The following PLCL1 variants were observed in gnomAD, a reference collection of about 807,000 sequenced individuals.
PLCL1 encodes inactive phospholipase C-like protein 1.
Under a neutral mutation model 84.4 loss-of-function variants are expected in PLCL1, and 41 were observed. That is an observed-to-expected ratio of 0.49 (90% CI 0.38 to 0.63). The LOEUF (loss-of-function observed/expected upper bound fraction) is 0.63. Among genes scored for constraint, PLCL1 ranks in the 30% least tolerant of loss-of-function variants. The probability of loss-of-function intolerance (pLI) is 0.00; values close to 1 mark genes in which losing one functional copy is unlikely to be tolerated. For missense variants in PLCL1, 1,206 were observed against 1,367.8 expected, an observed-to-expected ratio of 0.88 and a Z score of 1.87; for synonymous variants, 490 against 488.3, an observed-to-expected ratio of 1.00 and a Z score of -0.05.
chr2:198,098,245 G>T (rs1464315475), intron 3 of PLCL1, among the ~76,000 whole-genome samples: 1 of 152,134 alleles, frequency 6.6e-6, no homozygotes, highest in East Asian at 1.9e-4. Flanking sequence ...TCAAGCAATA[G>T]CTTCTCCAAA....
At chr2:198,021,235 A>T (rs1277917643) in intron 1 of PLCL1, among the ~76,000 whole-genome samples, 1 of 152,212 alleles carries the variant, frequency 6.6e-6, no homozygotes, top group Non-Finnish European at 1.5e-5. Context: ...AGTCTCTGGG[A>T]CACAGCTAAA....
chr2:197,816,244 T>C (rs752485282), intron 1 of PLCL1, among the ~76,000 whole-genome samples: 1 of 152,104 alleles, frequency 6.6e-6, no homozygotes, highest in Non-Finnish European at 1.5e-5. Context: ...AGCAAAAAGA[T>C]TATGACTGGC....
intron 5 of PLCL1, among the ~76,000 whole-genome samples, chr2:198,137,979 T>C (rs543815560): frequency 3.6e-4 from 55 of 152,184 alleles, no homozygotes; most frequent in Non-Finnish European, 6.3e-4. Flanking sequence ...AGGATTCTCC[T>C]GGCATTTAGT....
intron 1 of PLCL1, among the ~76,000 whole-genome samples, chr2:197,938,500 C>A (rs943635808): frequency 6.6e-5 from 10 of 152,104 alleles, no homozygotes; most frequent in Non-Finnish European, 1.5e-5. Flanking sequence ...TTTAATTATC[C>A]CTCAAATAAT....
At chr2:197,936,546 T>C (rs1366059352) in intron 1 of PLCL1, among the ~76,000 whole-genome samples, 1 of 152,204 alleles carries the variant, frequency 6.6e-6, no homozygotes, top group East Asian at 1.9e-4. Flanking sequence ...CATTTGTATG[T>C]CTTTTGAGAA....
intron 1 of PLCL1, among the ~76,000 whole-genome samples, chr2:197,891,261 G>A (rs1688021246): frequency 6.6e-6 from 1 of 152,138 alleles, no homozygotes; most frequent in African/African-American, 2.4e-5. Flanking sequence ...TTCACACTAA[G>A]GATGGAGTGA....
At chr2:198,056,068 G>A (rs973766657) in intron 1 of PLCL1, among the ~76,000 whole-genome samples, 1 of 152,138 alleles carries the variant, frequency 6.6e-6, no homozygotes, top group East Asian at 1.9e-4. Flanking sequence ...AATTGAGAGG[G>A]AGTTACACTA....
rs375579244 is a variant in PLCL1 at position 197,832,331 on chromosome 2, C to T, written c.240+26992C>T. ...AAAATGGTAAAGGGGAGATCACCAC[C>T]GATCCCACAGAAATACGAACTACCA... On this transcript the variant is annotated intron_variant, in intron 1 of 5. Transcript: ENST00000428675. Among the ~76,000 whole-genome samples the T allele has an allele frequency of 4.6e-3, 694 of 152,094 alleles. 6 individuals carry two copies. The highest frequency in any genetic ancestry group is 0.016 in the African/African-American group (655 of 41,480).
chr2:198,042,314 A>G (rs1386294820), intron 1 of PLCL1, among the ~76,000 whole-genome samples: 1 of 152,162 alleles, frequency 6.6e-6, no homozygotes, highest in African/African-American at 2.4e-5. Flanking sequence ...TGTGAGAGAA[A>G]CCAACCTCTG....
chr2:198,112,811 C>T (rs1693653313), intron 5 of PLCL1, among the ~76,000 whole-genome samples: 1 of 151,816 alleles, frequency 6.6e-6, no homozygotes, highest in Admixed American at 6.6e-5. Flanking sequence ...GGTCTTATTC[C>T]AGTGGCAGCC....
At position 197,805,715 on chromosome 2, in the gene PLCL1, C is replaced by T. The variant is rs1375714539; in HGVS notation, c.240+376C>T. 6.6e-6 allele frequency among the ~76,000 whole-genome samples: 1 copy of T among 152,150 alleles called. No individual in the cohort carries two copies. The highest frequency in any genetic ancestry group is 1.5e-5 in the Non-Finnish European group (1 of 68,040). ...GCTTTCCAATGAAGGGTTAGCTTTT[C>T]CCATACAATGAAGAAAATGCACAGC... is the stretch of plus-strand genomic sequence containing the variant. On this transcript the variant is annotated intron_variant, in intron 1 of 5. Coordinates refer to ENST00000428675, the MANE Select transcript of PLCL1 (RefSeq NM_006226.4). This position sits in a 1 kb window ranked among gnomAD's most constrained non-coding sequence, Gnocchi z 4.0.
chr2:197,903,460 C>T (rs929174088), intron 1 of PLCL1, among the ~76,000 whole-genome samples: 6 of 130,590 alleles, frequency 4.6e-5, no homozygotes, highest in Non-Finnish European at 8.2e-5. Context: ...CCTTTTTACT[C>T]CATTTAAATT....
At chr2:197,852,183 C>A (rs1044866314) in intron 1 of PLCL1, among the ~76,000 whole-genome samples, 3 of 151,764 alleles carry the variant, frequency 2.0e-5, no homozygotes, top group Non-Finnish European at 4.4e-5. Flanking sequence ...TTCAAGGCAA[C>A]GTGCCTTTCA....
intron 1 of PLCL1, among the ~76,000 whole-genome samples, chr2:197,813,240 G>C (rs1400188540): frequency 6.6e-6 from 1 of 152,150 alleles, no homozygotes; most frequent in South Asian, 2.1e-4. Context: ...AGAAGACCAT[G>C]CTATGTGCAC....
intron 5 of PLCL1, among the ~76,000 whole-genome samples, chr2:198,133,887 A>G (rs1480188936): frequency 6.6e-6 from 1 of 152,208 alleles, no homozygotes; most frequent in Admixed American, 6.6e-5. Flanking sequence ...GGGAAATTTA[A>G]TATGTACTGT....
chr2:198,129,413 C>T (rs1694069216), intron 5 of PLCL1, among the ~76,000 whole-genome samples: 1 of 152,126 alleles, frequency 6.6e-6, no homozygotes, highest in South Asian at 2.1e-4. Context: ...ATAACTTAAA[C>T]CCTTCAACCA....
At chr2:197,889,543 T>C (rs568804989) in intron 1 of PLCL1, among the ~76,000 whole-genome samples, 2 of 152,296 alleles carry the variant, frequency 1.3e-5, no homozygotes, top group Middle Eastern at 3.4e-3. Context: ...CAGGTTTTCA[T>C]AGAGTAAGGA....
Position 197,817,221 on chromosome 2 carries a change from A to AT in PLCL1, c.240+11892dup, listed in dbSNP as rs56070622. Among the ~76,000 whole-genome samples, 8 of 151,112 alleles carry AT rather than the reference A, an allele frequency of 5.3e-5. 1 individual carries two copies. The South Asian group carries it at 1.0e-3, about 20-fold the overall frequency. On this transcript the variant is annotated intron_variant, in intron 1 of 5. Coordinates refer to ENST00000428675, the MANE Select transcript of PLCL1 (RefSeq NM_006226.4). ...TATTTGGTCACATTCTCTTAAAGTG[A>AT]TTTTTTTTTTCTTGTCCAAAAAGAA...
At chr2:198,063,847 A>G (rs757441198) in intron 1 of PLCL1, among the ~76,000 whole-genome samples, 9 of 152,190 alleles carry the variant, frequency 5.9e-5, no homozygotes, top group Non-Finnish European at 1.0e-4. Context: ...GTAAAATCCA[A>G]TGTTCAGGCA....
Sources: gnomAD v4.1 joint callset for allele counts (sites outside exome capture counted in the v4.1 genomes callset) on GRCh38, gnomAD v4.1.1 for gene constraint, Gnocchi (gnomAD v3.1) non-coding constraint, MANE v1.5 for transcripts, NCBI Gene and HGNC (gene_info 2026-07-23, HGNC 2026-07-21) for gene names.